The following KSR2 variants were observed in gnomAD, a reference collection of about 807,000 sequenced individuals.
KSR2 encodes kinase suppressor of ras 2.
KSR2 carries 25 observed loss-of-function variants against 107.8 expected under a neutral mutation model. The observed-to-expected ratio is 0.23, with a 90% CI of 0.17 to 0.32. The LOEUF is 0.32. Among genes scored for constraint, KSR2 ranks in the 10% least tolerant of loss-of-function variants. The pLI is 1.00. For missense variants in KSR2, 887 were observed against 1,268.9 expected, an observed-to-expected ratio of 0.70 and a Z score of 4.57; for synonymous variants, 480 against 507.0, an observed-to-expected ratio of 0.95 and a Z score of 0.71.
chr12:117,704,492 T>TAA (rs1348707375), intron 4 of KSR2, among the ~76,000 whole-genome samples: 4 of 152,110 alleles, frequency 2.6e-5, no homozygotes, highest in South Asian at 4.1e-4. Context: ...GTGTGACCCA[T>TAA]AAAGCCTAAA....
intron 3 of KSR2, among the ~76,000 whole-genome samples, chr12:117,799,511 G>A (rs549663849): frequency 0.012 from 1,705 of 143,908 alleles, 40 homozygotes; most frequent in African/African-American, 0.044. Flanking sequence ...AAAAAAAAAA[G>A]AAAAAAAAAG....
intron 13 of KSR2, among the ~76,000 whole-genome samples, chr12:117,525,920 A>ATC (rs777095244): frequency 2.6e-4 from 39 of 152,198 alleles, no homozygotes; most frequent in Admixed American, 1.9e-3. Context: ...AATCAGACAA[A>ATC]GAGAGCTGAA....
chr12:117,471,084 ACC>A, intron 18 of KSR2, 105 bp downstream of exon 18: 2 of 1,364,546 alleles, frequency 1.5e-6, no homozygotes, highest in Non-Finnish European at 1.9e-6. Context: ...TTTTTTGGTC[ACC>A]CTATGGGAAA....
intron 4 of KSR2, among the ~76,000 whole-genome samples, chr12:117,753,995 TG>T (rs1888701465): frequency 1.5e-5 from 2 of 136,334 alleles, no homozygotes. Context: ...TGTGTGTGTG[TG>T]TGTGTTTTAG....
chr12:117,690,619 T>C (rs1467988034), intron 4 of KSR2, among the ~76,000 whole-genome samples: 1 of 152,068 alleles, frequency 6.6e-6, no homozygotes, highest in African/African-American at 2.4e-5. Context: ...TCTTTCCCTA[T>C]CAACTTGGAA....
intron 3 of KSR2, among the ~76,000 whole-genome samples, chr12:117,840,422 A>G (rs1245215068): frequency 6.6e-6 from 1 of 151,772 alleles, no homozygotes; most frequent in Non-Finnish European, 1.5e-5. Flanking sequence ...TTGAGATGGA[A>G]TCTTGCTCTG....
At chr12:117,484,290 C>T (rs542281812) in intron 16 of KSR2, 126 bp downstream of exon 16, 12 of 1,037,736 alleles carry the variant, frequency 1.2e-5, no homozygotes, top group African/African-American at 3.2e-5. Flanking sequence ...AGAGCAGCTG[C>T]CCCACTCAGC....
intron 9 of KSR2, among the ~76,000 whole-genome samples, chr12:117,548,537 G>A (rs1368165895): frequency 6.6e-6 from 1 of 152,018 alleles, no homozygotes. Flanking sequence ...TAAACTCTGT[G>A]TTATTGGTAA....
At chr12:117,822,759 CAT>C in intron 3 of KSR2, among the ~76,000 whole-genome samples, 1 of 152,164 alleles carries the variant, frequency 6.6e-6, no homozygotes, top group Non-Finnish European at 1.5e-5. Flanking sequence ...TACCATGCTG[CAT>C]ATTGCTAGCC....
At chr12:117,696,882 C>T (rs1019239874) in intron 4 of KSR2, among the ~76,000 whole-genome samples, 2 of 152,162 alleles carry the variant, frequency 1.3e-5, no homozygotes, top group African/African-American at 4.8e-5. Context: ...CCCTGGGTCG[C>T]TGGGAGGGTT....
chr12:117,794,867 T>C (rs1442369404), intron 3 of KSR2, among the ~76,000 whole-genome samples: 4 of 152,100 alleles, frequency 2.6e-5, no homozygotes, highest in African/African-American at 4.8e-5. Flanking sequence ...TCTTAGCCAG[T>C]TGATGATAGT....
intron 1 of KSR2, among the ~76,000 whole-genome samples, chr12:117,926,695 G>T (rs910680032): frequency 1.3e-5 from 2 of 152,194 alleles, no homozygotes; most frequent in Non-Finnish European, 2.9e-5. Flanking sequence ...TGGCAGAGAC[G>T]GCCCAATGAC....
At chr12:117,935,093 G>A (rs559021581) in intron 1 of KSR2, among the ~76,000 whole-genome samples, 10 of 152,080 alleles carry the variant, frequency 6.6e-5, no homozygotes, top group Admixed American at 5.9e-4. Context: ...CTCCCAAAGC[G>A]CTGGGATTAC....
chr12:117,580,497 T>C (rs895334420), intron 6 of KSR2, among the ~76,000 whole-genome samples: 1 of 152,194 alleles, frequency 6.6e-6, no homozygotes, highest in Non-Finnish European at 1.5e-5. Flanking sequence ...ACCTCTCTTG[T>C]GCTTGGGATC....
intron 3 of KSR2, among the ~76,000 whole-genome samples, chr12:117,778,241 C>T (rs145502637): frequency 1.7e-3 from 264 of 152,168 alleles, no homozygotes; most frequent in Middle Eastern, 6.8e-3. Context: ...CAGGTGTGAA[C>T]CACCATGCCC....
chr12:117,638,365 G>C (rs1883203930), intron 5 of KSR2, among the ~76,000 whole-genome samples: 1 of 152,000 alleles, frequency 6.6e-6, no homozygotes, highest in African/African-American at 2.4e-5. Flanking sequence ...CACGTCCATG[G>C]GCCCTGGATG....
chr12:117,786,000 G>T (rs1890059902), intron 3 of KSR2, among the ~76,000 whole-genome samples: 1 of 151,910 alleles, frequency 6.6e-6, no homozygotes, highest in African/African-American at 2.4e-5. Flanking sequence ...TAAACTCAAA[G>T]AAAACCACGC....
intron 5 of KSR2, among the ~76,000 whole-genome samples, chr12:117,631,018 G>C (rs1441124540): frequency 6.6e-6 from 1 of 152,160 alleles, no homozygotes; most frequent in Non-Finnish European, 1.5e-5. Context: ...AAGATTCTCA[G>C]TAAATATTTG....
chr12:117,656,475 G>A (rs1237104508), intron 5 of KSR2, among the ~76,000 whole-genome samples: 4 of 152,294 alleles, frequency 2.6e-5, no homozygotes, highest in South Asian at 2.1e-4. Context: ...TTAGCTGGGC[G>A]TGGTGGCACA....
Sources: allele counts gnomAD v4.1 joint callset (sites outside exome capture counted in the v4.1 genomes callset), GRCh38; gene constraint gnomAD v4.1.1; transcripts MANE v1.5; gene names NCBI Gene and HGNC (gene_info 2026-07-23, HGNC 2026-07-21).